Variants in ZBBX observed in about 807,000 individuals in gnomAD.
The protein encoded by ZBBX is zinc finger B-box domain containing, also known as zinc finger B-box domain-containing protein 1.
A neutral mutation model predicts 108.5 loss-of-function variants in ZBBX; 101 were observed. The observed-to-expected ratio is 0.93, with a 90% CI of 0.79 to 1.10. ZBBX has a LOEUF of 1.10. Ranked by LOEUF, ZBBX falls within the 50% of genes least tolerant of loss-of-function variation. ZBBX has a pLI of 0.00. For missense variants in ZBBX, 1,009 were observed against 941.4 expected (o/e 1.07, Z -0.94); for synonymous variants, 356 against 323.4 (o/e 1.10, Z -1.08).
the ZBBX span, among the ~76,000 whole-genome samples, chr3:167,194,907 G>C: frequency 9.9e-5 from 15 of 152,190 alleles, no homozygotes; most frequent in Admixed American, 8.5e-4. Flanking sequence ...TTCTCTTTCA[G>C]GAGCACCAGG....
intron 1 of ZBBX, among the ~76,000 whole-genome samples, chr3:167,399,269 T>C (rs1196412964): frequency 6.6e-6 from 1 of 152,180 alleles, no homozygotes; most frequent in East Asian, 1.9e-4. Context: ...TCAGGGATTG[T>C]ACCTTTGCAG....
intron 3 of ZBBX, 81 bp downstream of exon 3, chr3:167,373,625 C>T (rs1261426462): frequency 7.2e-5 from 11 of 152,134 alleles, no homozygotes; most frequent in African/African-American, 9.7e-5. Context: ...TATGTATGTA[C>T]ATACTATATT....
intron 8 of ZBBX, among the ~76,000 whole-genome samples, chr3:167,356,974 T>C (rs1056653615): frequency 1.3e-5 from 2 of 152,162 alleles, no homozygotes; most frequent in Admixed American, 6.6e-5. Context: ...TGGAAAAAGA[T>C]TAAGGGCTTA....
chr3:167,273,522 G>A (rs1359075046), intron 20 of ZBBX, among the ~76,000 whole-genome samples: 1 of 152,150 alleles, frequency 6.6e-6, no homozygotes, highest in Non-Finnish European at 1.5e-5. Context: ...TTCACCTCGT[G>A]TCTCTCATGA....
chr3:167,298,233 C>A, intron 18 of ZBBX, 72 bp downstream of exon 18: 2 of 1,187,252 alleles, frequency 1.7e-6, no homozygotes, highest in Non-Finnish European at 2.3e-6. Context: ...TGATTTTATC[C>A]ATTGAACAGA....
chr3:167,291,052 C>T (rs1360018260), intron 18 of ZBBX, among the ~76,000 whole-genome samples: 4 of 152,046 alleles, frequency 2.6e-5, no homozygotes, highest in African/African-American at 9.7e-5. Flanking sequence ...AAATATGGGA[C>T]TGTGTGAAAA....
chr3:167,380,799 T>A (rs548447892), upstream of ZBBX, among the ~76,000 whole-genome samples: 3 of 151,996 alleles, frequency 2.0e-5, no homozygotes, highest in Non-Finnish European at 4.4e-5. Flanking sequence ...AACTCTCTTT[T>A]CTTTGTACCG....
chr3:167,208,991 G>A, the ZBBX span, among the ~76,000 whole-genome samples: 21 of 152,202 alleles, frequency 1.4e-4, no homozygotes, highest in South Asian at 1.0e-3. Context: ...GCTGAAGAGC[G>A]CTTGGGTCTT....
intron 3 of ZBBX, 102 bp from the exon 4 acceptor site, chr3:167,373,052 G>A: frequency 1.3e-5 from 7 of 537,434 alleles, no homozygotes; most frequent in South Asian, 3.8e-5. Context: ...AAAACCTTAT[G>A]AGCAAAAAGG....
At chr3:167,232,481 A>T in the ZBBX span, among the ~76,000 whole-genome samples, 5 of 151,774 alleles carry the variant, frequency 3.3e-5, no homozygotes, top group Non-Finnish European at 5.9e-5. Flanking sequence ...TTCCTCCTCC[A>T]TAAAGAAGAA....
At chr3:167,193,187 AC>A in the ZBBX span, among the ~76,000 whole-genome samples, 2 of 152,140 alleles carry the variant, frequency 1.3e-5, no homozygotes, top group Non-Finnish European at 2.9e-5. Flanking sequence ...GTTATTGCCT[AC>A]ATTTTGGAAT....
At chr3:167,367,389 T>C (rs927724070) in intron 5 of ZBBX, among the ~76,000 whole-genome samples, 1 of 151,938 alleles carries the variant, frequency 6.6e-6, no homozygotes, top group Non-Finnish European at 1.5e-5. Flanking sequence ...TTTATAATCA[T>C]AAGATACTAA....
At chr3:167,210,088 TTAAAA>T in the ZBBX span, among the ~76,000 whole-genome samples, 2 of 151,898 alleles carry the variant, frequency 1.3e-5, no homozygotes, top group African/African-American at 2.4e-5. Flanking sequence ...AGACTTGGTC[TTAAAA>T]TAAAATAAAA....
chr3:167,237,008 A>T (rs1720256925), downstream of ZBBX, among the ~76,000 whole-genome samples: 1 of 151,880 alleles, frequency 6.6e-6, no homozygotes, highest in Non-Finnish European at 1.5e-5. Flanking sequence ...AAACAAGGAT[A>T]AGATGAGCAT....
chr3:167,233,783 C>T, the ZBBX span, among the ~76,000 whole-genome samples: 2,602 of 150,292 alleles, frequency 0.017, 75 homozygotes, highest in African/African-American at 0.061. Context: ...GTTATCTTCT[C>T]TGTGTGGCTC....
At chr3:167,368,611 A>C in intron 4 of ZBBX, 37 bp from the exon 5 acceptor site, 1 of 1,487,960 alleles carries the variant, frequency 6.7e-7, no homozygotes, top group African/African-American at 1.4e-5. Context: ...AAGCAGAAAA[A>C]CAAGCGAAGC....
intron 20 of ZBBX, among the ~76,000 whole-genome samples, chr3:167,250,178 G>A (rs1722325967): frequency 6.6e-6 from 1 of 152,070 alleles, no homozygotes; most frequent in Admixed American, 6.5e-5. Context: ...GTACATTAGA[G>A]GACCTCCTGA....
intron 16 of ZBBX, among the ~76,000 whole-genome samples, chr3:167,308,427 A>G (rs1734031566): frequency 6.6e-6 from 1 of 152,196 alleles, no homozygotes; most frequent in African/African-American, 2.4e-5. Flanking sequence ...AAAGACAGAA[A>G]TACCATTCAA....
At chr3:167,185,654 G>A in the ZBBX span, among the ~76,000 whole-genome samples, 4 of 152,050 alleles carry the variant, frequency 2.6e-5, no homozygotes, top group Non-Finnish European at 2.9e-5. Flanking sequence ...TGAAACTGCA[G>A]TTCTAGCATT....
Sources: allele counts gnomAD v4.1 joint callset (sites outside exome capture counted in the v4.1 genomes callset), GRCh38; gene constraint gnomAD v4.1.1; transcripts MANE v1.5; gene names NCBI Gene and HGNC (gene_info 2026-07-23, HGNC 2026-07-21).